The following CDK14 variants were observed in gnomAD, a reference collection of about 807,000 sequenced individuals.
The protein encoded by CDK14 is cyclin dependent kinase 14, also known as cyclin-dependent kinase 14.
A neutral mutation model predicts 60.7 loss-of-function variants in CDK14; 34 were observed. The observed-to-expected ratio is 0.56, with a 90% CI of 0.43 to 0.75. The LOEUF is 0.75. Among genes scored for constraint, CDK14 ranks in the 30% least tolerant of loss-of-function variants. CDK14 has a pLI of 0.00. For synonymous variants in CDK14, 197 were observed against 203.7 expected, an observed-to-expected ratio of 0.97 and a Z score of 0.28; for missense variants, 482 against 564.1, an observed-to-expected ratio of 0.85 and a Z score of 1.47.
At chr7:90,742,828 A>G (rs867534880) in intron 3 of CDK14, among the ~76,000 whole-genome samples, 4 of 152,006 alleles carry the variant, frequency 2.6e-5, no homozygotes, top group Non-Finnish European at 1.5e-5. Flanking sequence ...TTTATTAAAA[A>G]AAACCATTTA....
chr7:90,757,246 G>GTGTC (rs1161915255), intron 4 of CDK14, among the ~76,000 whole-genome samples: 9 of 137,226 alleles, frequency 6.6e-5, no homozygotes, highest in African/African-American at 2.2e-4. Flanking sequence ...GTGTGTGTGT[G>GTGTC]TGTGTCTGTG....
chr7:90,801,831 C>A (rs188489811), intron 5 of CDK14, among the ~76,000 whole-genome samples: 72 of 152,168 alleles, frequency 4.7e-4, no homozygotes, highest in African/African-American at 1.4e-3. Flanking sequence ...AGTATATAAT[C>A]ATCTTTGGTT....
In CDK14 at chr7:90,737,249, A is replaced by T. The variant is rs141795714; in HGVS notation, c.370-10432A>T. The stretch of plus-strand genomic sequence containing the variant: ...AATTTAGAAGGGATTTCATTGAGTT[A>T]TGCTGTCATAAGCTGATCTTAAAGA... On this transcript the variant is annotated intron_variant, in intron 3 of 14. Coordinates refer to ENST00000380050, the MANE Select transcript of CDK14 (RefSeq NM_001287135.2). 1.0e-3 allele frequency among the ~76,000 whole-genome samples: 153 copies of T among 152,294 alleles called. No individual in the cohort carries two copies. In the Middle Eastern group the frequency reaches 0.02, roughly 20 times the overall value.
chr7:90,997,712 T>C (rs183990122), intron 10 of CDK14, among the ~76,000 whole-genome samples: 2 of 152,270 alleles, frequency 1.3e-5, no homozygotes, highest in African/African-American at 4.8e-5. Context: ...TAATATTAGG[T>C]TCTTTTCTTG....
At chr7:90,774,616 A>G (rs1804940958) in intron 4 of CDK14, among the ~76,000 whole-genome samples, 1 of 152,220 alleles carries the variant, frequency 6.6e-6, no homozygotes, top group East Asian at 1.9e-4. Context: ...AATAAAAATC[A>G]CTCATAATCC....
In CDK14 at chr7:90,866,515, T is replaced by C. The variant is rs889887664; in HGVS notation, c.639+3246T>C. ...TAAAACCCTGGATATGACGGGAAAG[T>C]AAAATAATTTAAGATTCATTAGATA... On this transcript the variant is annotated intron_variant, in intron 6 of 14. Coordinates refer to ENST00000380050, the MANE Select transcript of CDK14 (RefSeq NM_001287135.2). Among the ~76,000 whole-genome samples, 7 of 152,134 alleles carry C rather than the reference T, an allele frequency of 4.6e-5. 1 individual carries two copies. The highest frequency in any genetic ancestry group is 1.3e-4 in the Admixed American group (2 of 15,266).
intron 10 of CDK14, among the ~76,000 whole-genome samples, chr7:91,003,479 C>T (rs757086666): frequency 3.3e-5 from 5 of 152,118 alleles, no homozygotes; most frequent in Admixed American, 3.3e-4. Context: ...AAAAATAAAT[C>T]GTTTGTTCCT....
intron 2 of CDK14, among the ~76,000 whole-genome samples, chr7:90,712,170 T>A (rs1209859244): frequency 6.6e-6 from 1 of 152,028 alleles, no homozygotes; most frequent in Non-Finnish European, 1.5e-5. Flanking sequence ...ATTATTACCA[T>A]TTTTAAGTTT....
chr7:90,863,830 A>C (rs1791090389), intron 6 of CDK14, among the ~76,000 whole-genome samples: 1 of 152,044 alleles, frequency 6.6e-6, no homozygotes, highest in South Asian at 2.1e-4. Flanking sequence ...ATGTGAGAGT[A>C]TTATTGCTAG....
intron 11 of CDK14, among the ~76,000 whole-genome samples, chr7:91,075,919 A>G (rs531668465): frequency 1.9e-4 from 29 of 152,262 alleles, no homozygotes; most frequent in African/African-American, 6.7e-4. Flanking sequence ...AAGGGATGTG[A>G]AGGGCCTCTT....
At chr7:90,801,048 T>C (rs1314740500) in intron 5 of CDK14, among the ~76,000 whole-genome samples, 1 of 152,240 alleles carries the variant, frequency 6.6e-6, no homozygotes, top group East Asian at 1.9e-4. Flanking sequence ...GCTAATTATG[T>C]CTGCAAAGGC....
chr7:90,868,670 GT>G (rs1312601164), intron 6 of CDK14, among the ~76,000 whole-genome samples: 3 of 152,068 alleles, frequency 2.0e-5, no homozygotes, highest in Admixed American at 1.3e-4. Context: ...CCCATAAAAT[GT>G]TTTTATAGTG....
At chr7:90,925,325 T>C (rs1584130376) in intron 8 of CDK14, among the ~76,000 whole-genome samples, 1 of 152,170 alleles carries the variant, frequency 6.6e-6, no homozygotes, top group African/African-American at 2.4e-5. Flanking sequence ...GTAGAAACTG[T>C]GCTTAGATCC....
chr7:90,673,874 A>G (rs1053327619), intron 2 of CDK14, among the ~76,000 whole-genome samples: 1 of 152,218 alleles, frequency 6.6e-6, no homozygotes, highest in Non-Finnish European at 1.5e-5. Flanking sequence ...ACTGACTTGT[A>G]TCAAGGTTAA....
At chr7:90,947,242 C>T (rs1794127812) in intron 8 of CDK14, among the ~76,000 whole-genome samples, 1 of 152,192 alleles carries the variant, frequency 6.6e-6, no homozygotes, top group Non-Finnish European at 1.5e-5. Context: ...CATCCCACAA[C>T]CTTATCCCTT....
chr7:91,099,873 A>C (rs1799104254), intron 12 of CDK14, among the ~76,000 whole-genome samples: 1 of 152,110 alleles, frequency 6.6e-6, no homozygotes, highest in Non-Finnish European at 1.5e-5. Context: ...TTTGGGTTTG[A>C]GGATATTCTA....
In CDK14 at chr7:90,623,425, C is replaced by T. The variant is rs532440654; in HGVS notation, c.123+19176C>T. 6.6e-5 allele frequency among the ~76,000 whole-genome samples: 10 copies of T among 152,152 alleles called. No homozygotes were observed. In the South Asian group the frequency reaches 2.1e-3, roughly 32 times the overall value. On this transcript the variant is annotated intron_variant, in intron 2 of 14. Transcript: ENST00000380050. ...AGGGCTTTTCTCTGTATATATGCAT[C>T]TCTTTGGCAGGGTTGATGGCAGACT...
intron 14 of CDK14, among the ~76,000 whole-genome samples, chr7:91,176,781 G>A (rs1160274751): frequency 6.6e-6 from 1 of 151,536 alleles, no homozygotes; most frequent in Non-Finnish European, 1.5e-5. Flanking sequence ...TCTCTGAATA[G>A]ACCAATAACA....
chr7:91,039,769 T>G (rs1299455493), intron 10 of CDK14, among the ~76,000 whole-genome samples: 1 of 152,088 alleles, frequency 6.6e-6, no homozygotes, highest in African/African-American at 2.4e-5. Flanking sequence ...AACCTCTGCT[T>G]TTTCTATCAC....
Sources: allele counts gnomAD v4.1 joint callset (sites outside exome capture counted in the v4.1 genomes callset), GRCh38; gene constraint gnomAD v4.1.1; transcripts MANE v1.5; gene names NCBI Gene and HGNC (gene_info 2026-07-23, HGNC 2026-07-21).